CDH2: variants seen among roughly 807,000 people sequenced by gnomAD.
CDH2 encodes the protein cadherin-2.
In CDH2, 17 loss-of-function variants were observed where a neutral mutation model predicts 92.0. The observed-to-expected ratio is 0.18, with a 90% confidence interval of 0.13 to 0.28. The LOEUF (loss-of-function observed/expected upper bound fraction) is 0.28. Among genes scored for constraint, CDH2 ranks in the 10% least tolerant of loss-of-function variants. The pLI, the probability that CDH2 is intolerant of heterozygous loss-of-function variation, is 1.00. For synonymous variants in CDH2, 419 were observed against 415.9 expected, an observed-to-expected ratio of 1.01 and a Z score of -0.09; for missense variants, 862 against 1,133.1, an observed-to-expected ratio of 0.76 and a Z score of 3.44.
At chr18:28,140,653 T>C (rs1395975981) in intron 2 of CDH2, among the ~76,000 whole-genome samples, 1 of 151,880 alleles carries the variant, frequency 6.6e-6, no homozygotes. Context: ...CCTCAGCCTG[T>C]AGAACTGTGA....
intron 2 of CDH2, among the ~76,000 whole-genome samples, chr18:28,034,973 A>C (rs1281025427): frequency 1.3e-5 from 2 of 152,078 alleles, no homozygotes; most frequent in African/African-American, 2.4e-5. Context: ...AAGGAATACA[A>C]AACAGGTGTA....
chr18:27,961,030 C>CA (rs139161217), intron 15 of CDH2, among the ~76,000 whole-genome samples: 67,033 of 148,206 alleles, frequency 0.45, 15,812 homozygotes, highest in Non-Finnish European at 0.54. Flanking sequence ...AAAAAAAGAA[C>CA]AAAAAAAAAA....
chr18:27,951,754 AG>A lies in CDH2; in HGVS notation c.*398del. Reference sequence around the variant, plus strand: ...TTGTTTAATTTTGTATTTTAATAAAAGCAAATGCAATGTAACAAAAGCGTGT... The same window carrying A: ...TTGTTTAATTTTGTATTTTAATAAAACAAATGCAATGTAACAAAAGCGTGT... On this transcript the variant is annotated 3_prime_UTR_variant, in exon 16 of 16. Transcript: ENST00000269141. 1 of 162,526 alleles carries A rather than the reference AG, an allele frequency of 6.2e-6. No homozygotes were observed. The highest frequency in any genetic ancestry group is 3.2e-3 in the Middle Eastern group (1 of 314). The allele number at this position is 162,526 out of a possible 1,614,324, so 10.1% of individuals were successfully genotyped here.
intron 2 of CDH2, among the ~76,000 whole-genome samples, chr18:28,042,160 TG>T (rs1248390955): frequency 1.3e-5 from 2 of 152,188 alleles, no homozygotes; most frequent in African/African-American, 4.8e-5. Flanking sequence ...TTAATATAAA[TG>T]TAAGAAACTT....
intron 2 of CDH2, among the ~76,000 whole-genome samples, chr18:28,030,499 A>AAAC (rs1056831237): frequency 6.6e-6 from 1 of 152,104 alleles, no homozygotes; most frequent in African/African-American, 2.4e-5. Context: ...AAAAACAAAC[A>AAAC]AACAACAACA....
chr18:28,116,470 G>A (rs1483352317), intron 2 of CDH2, among the ~76,000 whole-genome samples: 1 of 152,116 alleles, frequency 6.6e-6, no homozygotes, highest in Non-Finnish European at 1.5e-5. Flanking sequence ...GTTGAGTCAA[G>A]CCACATGAAT....
chr18:28,177,057 A>G lies in CDH2; in HGVS notation c.-35T>C. 1 of 1,302,320 alleles carries G rather than the reference A, an allele frequency of 7.7e-7. No individual in the cohort carries two copies. Among genetic ancestry groups the G allele is most frequent in the Non-Finnish European group, 1.0e-6 (1 of 962,320 alleles). 80.7% of individuals were successfully genotyped at this position (1,302,320 alleles called of 1,614,324 possible). ...GAGGGGCCGAGCGAAGAGCCGGAGG[A>G]GGCGGCGGCGGCGGCGGCGGCGGCG... On this transcript the variant is annotated 5_prime_UTR_variant, in exon 1 of 16. Coordinates refer to ENST00000269141, the MANE Select transcript of CDH2 (RefSeq NM_001792.5).
intron 2 of CDH2, among the ~76,000 whole-genome samples, chr18:28,142,149 G>A (rs528833521): frequency 1.6e-4 from 25 of 152,040 alleles, no homozygotes; most frequent in Non-Finnish European, 3.1e-4. Flanking sequence ...AAAGAGTAAC[G>A]GCCTGTGCGA....
chr18:28,123,954 CTT>C (rs2015633601), intron 2 of CDH2, among the ~76,000 whole-genome samples: 1 of 152,048 alleles, frequency 6.6e-6, no homozygotes, highest in Admixed American at 6.6e-5. Flanking sequence ...GGAGATAAAA[CTT>C]ATGTTAAATT....
At chr18:28,157,657 A>G (rs889153430) in intron 1 of CDH2, among the ~76,000 whole-genome samples, 1 of 152,208 alleles carries the variant, frequency 6.6e-6, no homozygotes, top group African/African-American at 2.4e-5. Context: ...ACTGTCCTAT[A>G]TGAATTGAGA....
chr18:28,140,668 T>TA (rs1357496201), intron 2 of CDH2, among the ~76,000 whole-genome samples: 1 of 151,820 alleles, frequency 6.6e-6, no homozygotes, highest in Non-Finnish European at 1.5e-5. Flanking sequence ...CTGTGAGAAG[T>TA]AAGTTTCTAT....
intron 5 of CDH2, among the ~76,000 whole-genome samples, chr18:28,006,776 C>G (rs1473453084): frequency 6.7e-6 from 1 of 149,478 alleles, no homozygotes; most frequent in Non-Finnish European, 1.5e-5. Flanking sequence ...GAGATCAAGG[C>G]AACAGAAAAT....
intron 15 of CDH2, among the ~76,000 whole-genome samples, chr18:27,958,607 ATATATG>A (rs2011316697): frequency 6.6e-6 from 1 of 150,832 alleles, no homozygotes; most frequent in South Asian, 2.1e-4. Context: ...GTGTATATTT[ATATATG>A]TATATATGTG....
chr18:28,151,295 T>C (rs571919033), intron 1 of CDH2, among the ~76,000 whole-genome samples: 2 of 152,348 alleles, frequency 1.3e-5, no homozygotes, highest in African/African-American at 4.8e-5. Context: ...TGCAGACACA[T>C]TTTTAGCTGT....
chr18:28,167,238 A>T (rs940536730), intron 1 of CDH2, among the ~76,000 whole-genome samples: 1 of 152,132 alleles, frequency 6.6e-6, no homozygotes, highest in African/African-American at 2.4e-5. Context: ...AACTTAACAG[A>T]ATTCCAAATG....
At chr18:27,957,173 C>T (rs1436081616) in intron 15 of CDH2, among the ~76,000 whole-genome samples, 4 of 139,158 alleles carry the variant, frequency 2.9e-5, no homozygotes, top group Non-Finnish European at 6.5e-5. Flanking sequence ...AAAAATATCA[C>T]TTCGACTGCA....
At chr18:27,997,939 T>C (rs374426045) in intron 7 of CDH2, among the ~76,000 whole-genome samples, 3,238 of 152,170 alleles carry the variant, frequency 0.021, 58 homozygotes, top group Non-Finnish European at 0.032. Context: ...CCCGAGTAGC[T>C]GGGACTACAG....
intron 2 of CDH2, among the ~76,000 whole-genome samples, chr18:28,108,558 C>A (rs2015359592): frequency 6.6e-6 from 1 of 152,156 alleles, no homozygotes; most frequent in Admixed American, 6.6e-5. Flanking sequence ...GTCCCTGTAA[C>A]AGAACCCATC....
chr18:28,111,020 G>A lies in CDH2; in HGVS notation c.172+36653C>T, dbSNP rs1014790749. On this transcript the variant is annotated intron_variant, in intron 2 of 15. Coordinates refer to ENST00000269141, the MANE Select transcript of CDH2 (RefSeq NM_001792.5). The stretch of plus-strand genomic sequence containing the variant: ...GAAAGAAAATGCCCATCCAGCCATC[G>A]GTCTGTGCAGAGTCATGGAAGATGG... Among the ~76,000 whole-genome samples the A allele has an allele frequency of 3.3e-5, 5 of 152,158 alleles. No individual in the cohort carries two copies. In the East Asian group the frequency reaches 5.8e-4, roughly 18 times the overall value.
Sources: gnomAD v4.1 joint callset for allele counts (sites outside exome capture counted in the v4.1 genomes callset) on GRCh38, gnomAD v4.1.1 for gene constraint, MANE v1.5 for transcripts, NCBI Gene and HGNC (gene_info 2026-07-23, HGNC 2026-07-21) for gene names.